ZSWIM4: variants seen among roughly 807,000 people sequenced by gnomAD.
ZSWIM4 encodes zinc finger SWIM domain-containing protein 4.
ZSWIM4 carries 62 observed loss-of-function variants against 102.5 expected under a neutral mutation model. The observed-to-expected ratio is 0.60, with a 90% confidence interval of 0.49 to 0.75. The LOEUF (loss-of-function observed/expected upper bound fraction) is 0.75. Ranked by LOEUF, ZSWIM4 falls within the 30% of genes least tolerant of loss-of-function variation. The pLI is 0.00. For missense variants in ZSWIM4, 1,280 were observed against 1,529.6 expected, an observed-to-expected ratio of 0.84 and a Z score of 2.72; for synonymous variants, 652 against 674.5, an observed-to-expected ratio of 0.97 and a Z score of 0.52.
At chr19:13,797,885 T>C (rs1974653144) in intron 1 of ZSWIM4, among the ~76,000 whole-genome samples, 1 of 152,146 alleles carries the variant, frequency 6.6e-6, no homozygotes, top group South Asian at 2.1e-4. Context: ...ACTCCTGACC[T>C]CAAGTGATCC....
chr19:13,815,960 AAAAG>A (rs545207000), intron 7 of ZSWIM4, among the ~76,000 whole-genome samples: 82 of 147,586 alleles, frequency 5.6e-4, no homozygotes, highest in African/African-American at 1.5e-3. Flanking sequence ...TAAAAAAAAA[AAAAG>A]AGAGAGAGAG....
chr19:13,820,658 G>A (rs1975437679), intron 10 of ZSWIM4, among the ~76,000 whole-genome samples: 1 of 152,160 alleles, frequency 6.6e-6, no homozygotes, highest in Non-Finnish European at 1.5e-5. Flanking sequence ...ATGCAAGCAG[G>A]GTTATCACTT....
rs778919819 is a variant in ZSWIM4 at position 13,831,075 on chromosome 19, G to A, written c.*25G>A. 3 of 1,541,866 alleles carry A rather than the reference G, an allele frequency of 1.9e-6. No individual in the cohort carries two copies. Among genetic ancestry groups the A allele is most frequent in the East Asian group, 4.5e-5 (2 of 44,230 alleles). ...AGGGACAGTGGGGTGCGTGGGAGTG[G>A]GGATCCCCCTCGCCCCTGCGTCCCC... On this transcript the variant is annotated 3_prime_UTR_variant, in exon 14 of 14. Coordinates refer to ENST00000590508, the MANE Select transcript of ZSWIM4 (RefSeq NM_001367834.3).
At chr19:13,812,493 C>G (rs1027723709) in intron 5 of ZSWIM4, among the ~76,000 whole-genome samples, 8 of 133,590 alleles carry the variant, frequency 6.0e-5, no homozygotes, top group African/African-American at 2.3e-4. Flanking sequence ...GAGTTTTGCT[C>G]TTTTTACCCA....
Position 13,805,063 on chromosome 19 carries a change from C to T in ZSWIM4, c.627C>T (p.Ser209=), listed in dbSNP as rs758221705. The part of the protein sequence containing the change: ...QLQKFVQYLI[S]AHHTEVLPTA... ...AGAAGTTCGTGCAGTACCTCATCAG[C>T]GCCCATCACACTGAGGTGCTGCCCA... Residue 209 remains serine, a synonymous_variant, in exon 3 of 14, where the codon AGC becomes AGT. Coordinates refer to ENST00000590508, the MANE Select transcript of ZSWIM4 (RefSeq NM_001367834.3). 9.3e-6 allele frequency: 15 copies of T among 1,608,906 alleles called. No homozygotes were observed. Among genetic ancestry groups the T allele is most frequent in the Non-Finnish European group, 1.1e-5 (13 of 1,180,016 alleles).
At chr19:13,822,149 AACAC>A (rs147655793) in intron 10 of ZSWIM4, among the ~76,000 whole-genome samples, 6 of 113,264 alleles carry the variant, frequency 5.3e-5, no homozygotes, top group Admixed American at 9.6e-5. Context: ...AAAACACACA[AACAC>A]ACACACACAT....
intron 2 of ZSWIM4, among the ~76,000 whole-genome samples, chr19:13,801,266 C>T (rs1284745899): frequency 2.0e-5 from 3 of 151,726 alleles, no homozygotes; most frequent in Non-Finnish European, 4.4e-5. Flanking sequence ...GGGTTGGGTT[C>T]GGGATTATGA....
intron 3 of ZSWIM4, among the ~76,000 whole-genome samples, chr19:13,806,464 C>T (rs1292434357): frequency 3.3e-5 from 5 of 151,918 alleles, no homozygotes; most frequent in African/African-American, 1.2e-4. Flanking sequence ...ACCAGCAGTT[C>T]AAGACCGGCC....
In ZSWIM4 at chr19:13,809,786, T is replaced by TTTTC. The variant is rs113855805; in HGVS notation, c.1012+569_1012+570insCTTT. Among the ~76,000 whole-genome samples the TTTTC allele has an allele frequency of 0.016, 2,500 of 151,878 alleles. 63 individuals are homozygous for TTTTC. The highest frequency in any genetic ancestry group is 0.057 in the African/African-American group (2,378 of 41,400). On this transcript the variant is annotated intron_variant, in intron 5 of 13. Coordinates refer to ENST00000590508, the MANE Select transcript of ZSWIM4 (RefSeq NM_001367834.3). This position sits in a 1 kb window ranked among gnomAD's most constrained non-coding sequence, Gnocchi z 4.2. ...TGAGCCACCACACCCAGCCTACATG[T>TTTTC]TTTGTTTCTTTTTTTCTTTTTTTAG...
chr19:13,801,583 T>G lies in ZSWIM4; in HGVS notation c.355+1662T>G, dbSNP rs1320809648. 2.0e-5 allele frequency among the ~76,000 whole-genome samples: 3 copies of G among 152,128 alleles called. No homozygotes were observed. The East Asian group carries it at 5.8e-4, about 29-fold the overall frequency. On this transcript the variant is annotated intron_variant, in intron 2 of 13. Transcript: ENST00000590508. Reference sequence around the variant, plus strand: ...AGACCTCAGGCAGAGAGGCTGGGATTTCAAAGGCTTAGAGCTATTGTTGAG... The same window carrying G: ...AGACCTCAGGCAGAGAGGCTGGGATGTCAAAGGCTTAGAGCTATTGTTGAG...
At chr19:13,800,584 T>G (rs1463782493) in intron 2 of ZSWIM4, among the ~76,000 whole-genome samples, 1 of 150,802 alleles carries the variant, frequency 6.6e-6, no homozygotes, top group Admixed American at 6.6e-5. Context: ...GTATTTTGTA[T>G]TTTTAGTAGA....
intron 5 of ZSWIM4, among the ~76,000 whole-genome samples, chr19:13,811,384 G>T (rs1214545434): frequency 6.6e-6 from 1 of 152,102 alleles, no homozygotes; most frequent in Non-Finnish European, 1.5e-5. Context: ...GAGCTGGGAG[G>T]CCAGGTGCAG....
At chr19:13,808,132 G>A (rs989693139) in intron 3 of ZSWIM4, among the ~76,000 whole-genome samples, 1 of 151,990 alleles carries the variant, frequency 6.6e-6, no homozygotes, top group African/African-American at 2.4e-5. Flanking sequence ...AGGGAATGGT[G>A]CTACACCATT....
At position 13,823,604 on chromosome 19, in the gene ZSWIM4, C is replaced by G. The variant is rs1975529146; in HGVS notation, c.2215+104C>G. 5.1e-6 allele frequency: 7 copies of G among 1,371,906 alleles called. No individual in the cohort carries two copies. In the East Asian group the frequency reaches 1.8e-4, roughly 35 times the overall value. The allele number at this position is 1,371,906 out of a possible 1,614,324, so 85.0% of individuals were successfully genotyped here. On this transcript the variant is annotated intron_variant, in intron 11 of 13. Transcript: ENST00000590508. The stretch of plus-strand genomic sequence containing the variant: ...CTCCTCTTATCCTTTCACAAACTTC[C>G]CCCTGCATTCTTTGAGCACCTCCTA...
intron 10 of ZSWIM4, among the ~76,000 whole-genome samples, chr19:13,821,483 A>G (rs779703827): frequency 6.6e-5 from 10 of 151,860 alleles, no homozygotes; most frequent in Non-Finnish European, 8.8e-5. Context: ...GTAGTGATCT[A>G]TGATCCCACC....
At chr19:13,802,762 A>G (rs1974808557) in intron 2 of ZSWIM4, among the ~76,000 whole-genome samples, 1 of 151,856 alleles carries the variant, frequency 6.6e-6, no homozygotes, top group African/African-American at 2.4e-5. Flanking sequence ...AGTTTTTTGT[A>G]GAGACCTGGT....
chr19:13,810,060 T>C (rs796870927), intron 5 of ZSWIM4, among the ~76,000 whole-genome samples: 1 of 151,440 alleles, frequency 6.6e-6, no homozygotes, highest in East Asian at 1.9e-4. Flanking sequence ...AGTGGTACTA[T>C]CTTGGCTCAC....
At chr19:13,821,261 G>C (rs1975454325) in intron 10 of ZSWIM4, among the ~76,000 whole-genome samples, 1 of 147,104 alleles carries the variant, frequency 6.8e-6, no homozygotes, top group African/African-American at 2.6e-5. Context: ...TCCAGCCTGG[G>C]AGACAGAGCG....
Position 13,819,470 on chromosome 19 carries a change from C to T in ZSWIM4, c.2038C>T (p.Arg680Cys), listed in dbSNP as rs146417317. ...LLPHDPDLAYRLALRAMRLPI... is the reference protein window; with the variant it reads ...LLPHDPDLAYCLALRAMRLPI... ...GCCTCATGACCCGGACCTGGCCTAT[C>T]GCCTCGCGCTGCGAGCTATGAGGTG... Residue 680 changes from arginine to cysteine, a missense_variant, in exon 10 of 14, where the codon CGC becomes TGC. Arg to Cys is a radical substitution (Grantham distance 180). Transcript: ENST00000590508. 1.7e-5 allele frequency: 27 copies of T among 1,605,904 alleles called. No individual in the cohort carries two copies. In the South Asian group the frequency reaches 2.2e-4, roughly 13 times the overall value.
Sources: allele counts gnomAD v4.1 joint callset (sites outside exome capture counted in the v4.1 genomes callset), GRCh38; gene constraint gnomAD v4.1.1; non-coding constraint Gnocchi (gnomAD v3.1); transcripts MANE v1.5; gene names NCBI Gene and HGNC (gene_info 2026-07-23, HGNC 2026-07-21).